The following VPS13B variants were observed in gnomAD, a reference collection of about 807,000 sequenced individuals.
VPS13B encodes the protein intermembrane lipid transfer protein VPS13B.
VPS13B carries 285 observed loss-of-function variants against 426.4 expected under a neutral mutation model. That is an observed-to-expected ratio of 0.67 (90% CI 0.61 to 0.74). VPS13B has a LOEUF of 0.74. Ranked by LOEUF, VPS13B falls within the 30% of genes least tolerant of loss-of-function variation. VPS13B has a pLI of 0.00. For missense variants in VPS13B, 4,537 were observed against 4,782.6 expected, an observed-to-expected ratio of 0.95 and a Z score of 1.51; for synonymous variants, 1,676 against 1,676.4, an observed-to-expected ratio of 1.00 and a Z score of 0.01.
rs71273170 is a variant in VPS13B, at chr8:99,270,131, CTTTTTTTT to C, written c.2516-4048_2516-4041del. 8.9e-4 allele frequency among the ~76,000 whole-genome samples: 27 copies of C among 30,316 alleles called. 1 individual carries two copies. In the South Asian group the frequency reaches 0.031, roughly 35 times the overall value. 19.9% of individuals were successfully genotyped at this position (30,316 alleles called of 152,430 possible). ...ATATAGGTATATAAGATATAAGAAT[CTTTTTTTT>C]TTTTTTTTTTTTTTTTTTGAGACAG... On this transcript the variant is annotated intron_variant, in intron 17 of 61. Transcript: ENST00000357162.
At chr8:99,549,998 GT>G (rs1824194550) in intron 30 of VPS13B, among the ~76,000 whole-genome samples, 1 of 151,982 alleles carries the variant, frequency 6.6e-6, no homozygotes, top group Non-Finnish European at 1.5e-5. Flanking sequence ...ACCTTTTGGA[GT>G]ATTAAGTGTT....
intron 39 of VPS13B, among the ~76,000 whole-genome samples, chr8:99,742,844 C>T (rs1372754199): frequency 2.0e-5 from 3 of 152,088 alleles, no homozygotes; most frequent in Non-Finnish European, 4.4e-5. Context: ...TAAGAGCTAT[C>T]TATGACAAAC....
At chr8:99,368,445 C>T (rs1252982428) in intron 19 of VPS13B, among the ~76,000 whole-genome samples, 2 of 152,196 alleles carry the variant, frequency 1.3e-5, no homozygotes, top group Non-Finnish European at 2.9e-5. Flanking sequence ...TCATCTTTCT[C>T]TTCAAATTCA....
rs747441995 is a variant in VPS13B at position 99,776,962 on chromosome 8, C to CT, written c.7429+14dup. 1.6e-5 allele frequency: 26 copies of CT among 1,611,826 alleles called. No individual in the cohort carries two copies. Among genetic ancestry groups the CT allele is most frequent in the East Asian group, 2.2e-5 (1 of 44,826 alleles). On this transcript the variant is annotated splice_region_variant and intron_variant, in intron 41 of 61. Transcript: ENST00000357162. ...CCTTGACCAACTAGGCACAGGTACT[C>CT]TTTTTTTTAGCATCAGAATAACATC...
intron 17 of VPS13B, among the ~76,000 whole-genome samples, chr8:99,196,526 G>C (rs948952512): frequency 6.8e-6 from 1 of 147,462 alleles, no homozygotes; most frequent in Admixed American, 6.8e-5. Flanking sequence ...GGAGTGCAGT[G>C]GTGTGATCTT....
At chr8:99,856,700 G>A (rs1287036565) in intron 56 of VPS13B, among the ~76,000 whole-genome samples, 1 of 152,138 alleles carries the variant, frequency 6.6e-6, no homozygotes, top group African/African-American at 2.4e-5. Flanking sequence ...AATTAGCCAG[G>A]TGTGGGGGCA....
At chr8:99,220,542 A>G (rs1815650304) in intron 17 of VPS13B, among the ~76,000 whole-genome samples, 1 of 152,230 alleles carries the variant, frequency 6.6e-6, no homozygotes, top group South Asian at 2.1e-4. Flanking sequence ...AAGACACAGA[A>G]GAAGCATAAA....
chr8:99,618,209 C>G (rs746728575), intron 33 of VPS13B, among the ~76,000 whole-genome samples: 1 of 150,660 alleles, frequency 6.6e-6, no homozygotes, highest in Non-Finnish European at 1.5e-5. Flanking sequence ...GATAAAAAGC[C>G]TTGATACCAG....
chr8:99,571,245 C>T (rs1825459027), intron 31 of VPS13B, among the ~76,000 whole-genome samples: 1 of 146,900 alleles, frequency 6.8e-6, no homozygotes, highest in African/African-American at 2.6e-5. Context: ...AATTTTGAAA[C>T]TTAGACTGTT....
At position 99,556,527 on chromosome 8, in the gene VPS13B, C is replaced by A; in HGVS notation, c.4823C>A (p.Ser1608Tyr). 1 of 1,613,098 alleles carries A rather than the reference C, an allele frequency of 6.2e-7. No homozygotes were observed. The highest frequency in any genetic ancestry group is 8.5e-7 in the Non-Finnish European group (1 of 1,179,490). Residue 1608 changes from serine to tyrosine, a missense_variant, in exon 31 of 62, where the codon TCC (serine) becomes TAC (tyrosine). Coordinates refer to ENST00000357162, the MANE Select transcript of VPS13B (RefSeq NM_152564.5). Reference sequence around the variant, plus strand: ...AGACAATACCAAATAGATCTGCAGTCCATCAATATTGGTACTGCACAGTGG... The same window carrying A: ...AGACAATACCAAATAGATCTGCAGTACATCAATATTGGTACTGCACAGTGG... ...EDRQYQIDLQ[S>Y]INIGTAQWHQ...
At chr8:99,378,653 G>C (rs1300583160) in intron 19 of VPS13B, among the ~76,000 whole-genome samples, 1 of 152,158 alleles carries the variant, frequency 6.6e-6, no homozygotes, top group African/African-American at 2.4e-5. Flanking sequence ...GTTTCAGCAG[G>C]TCCTTCCATT....
At position 99,583,962 on chromosome 8, in the gene VPS13B, G is replaced by A. The variant is rs1480540628; in HGVS notation, c.5220+6329G>A. 4.6e-5 allele frequency among the ~76,000 whole-genome samples: 7 copies of A among 152,044 alleles called. No homozygotes were observed. In the South Asian group the frequency reaches 6.2e-4, roughly 14 times the overall value. ...AGGAAAGGAGATGGGAATTTTGGAC[G>A]ATATGCATAGGGTGACCTCCTATTG... On this transcript the variant is annotated intron_variant, in intron 33 of 61. Coordinates refer to ENST00000357162, the MANE Select transcript of VPS13B (RefSeq NM_152564.5).
intron 22 of VPS13B, among the ~76,000 whole-genome samples, chr8:99,435,195 G>A (rs1415445309): frequency 6.6e-6 from 1 of 152,152 alleles, no homozygotes; most frequent in Non-Finnish European, 1.5e-5. Flanking sequence ...AGAAGATCTA[G>A]TTGACACCAT....
chr8:99,496,039 A>G (rs1268278528), intron 25 of VPS13B, among the ~76,000 whole-genome samples: 1 of 152,156 alleles, frequency 6.6e-6, no homozygotes, highest in African/African-American at 2.4e-5. Context: ...TATAAACATA[A>G]TTCCAAAGTG....
intron 17 of VPS13B, among the ~76,000 whole-genome samples, chr8:99,205,132 A>G (rs144195821): frequency 0.06 from 9,160 of 152,306 alleles, 286 homozygotes; most frequent in South Asian, 0.1. Flanking sequence ...AGACTGGATA[A>G]AGAAAATGTG....
chr8:99,044,410 A>G (rs539172777), intron 3 of VPS13B, among the ~76,000 whole-genome samples: 11 of 65,246 alleles, frequency 1.7e-4, no homozygotes, highest in South Asian at 8.0e-4. Context: ...AAATAAGTCA[A>G]TGTTTGTGTG....
chr8:99,388,998 C>A (rs1474481619), intron 20 of VPS13B, among the ~76,000 whole-genome samples: 2 of 151,734 alleles, frequency 1.3e-5, no homozygotes, highest in Non-Finnish European at 2.9e-5. Context: ...AAAATACAAA[C>A]GTTAGCTGGG....
At chr8:99,711,740 G>A (rs544370133) in intron 36 of VPS13B, among the ~76,000 whole-genome samples, 4 of 152,320 alleles carry the variant, frequency 2.6e-5, no homozygotes, top group African/African-American at 9.6e-5. Flanking sequence ...AGTACTTACT[G>A]AGATTGCAGA....
intron 19 of VPS13B, among the ~76,000 whole-genome samples, chr8:99,337,132 G>T (rs113783341): frequency 6.6e-6 from 1 of 151,964 alleles, no homozygotes; most frequent in Non-Finnish European, 1.5e-5. Context: ...AACAACGATA[G>T]ACTGGATTAA....
Sources: allele counts gnomAD v4.1 joint callset (sites outside exome capture counted in the v4.1 genomes callset), GRCh38; gene constraint gnomAD v4.1.1; transcripts MANE v1.5; gene names NCBI Gene and HGNC (gene_info 2026-07-23, HGNC 2026-07-21).